Variants in CUX2 observed in about 807,000 individuals in gnomAD.
The protein encoded by CUX2 is homeobox protein cut-like 2.
In CUX2, 40 loss-of-function variants were observed where a neutral mutation model predicts 144.8. That is an observed-to-expected ratio of 0.28 (90% CI 0.21 to 0.36). The LOEUF (loss-of-function observed/expected upper bound fraction) is 0.36, where lower values mean the gene tolerates loss of function less well. Ranked by LOEUF, CUX2 falls within the 10% of genes least tolerant of loss-of-function variation. The pLI, the probability that CUX2 is intolerant of heterozygous loss-of-function variation, is 1.00. For missense variants in CUX2, 1,615 were observed against 1,994.0 expected (o/e 0.81, Z 3.62); for synonymous variants, 827 against 875.6 (o/e 0.94, Z 0.98).
intron 1 of CUX2, among the ~76,000 whole-genome samples, chr12:111,114,718 T>C (rs1874183488): frequency 6.6e-6 from 1 of 152,222 alleles, no homozygotes; most frequent in Non-Finnish European, 1.5e-5. Context: ...CCTTCTCTCA[T>C]ATCTGCTGTA....
intron 1 of CUX2, among the ~76,000 whole-genome samples, chr12:111,071,578 A>C (rs1871254125): frequency 6.6e-6 from 1 of 152,154 alleles, no homozygotes; most frequent in Admixed American, 6.5e-5. Context: ...TCATTCTGTT[A>C]ATACTCCCTT....
chr12:111,079,042 C>T (rs1040600500), intron 1 of CUX2, among the ~76,000 whole-genome samples: 1 of 152,226 alleles, frequency 6.6e-6, no homozygotes, highest in South Asian at 2.1e-4. Flanking sequence ...TGTCTATGGA[C>T]TGGGAAGAGC....
intron 1 of CUX2, among the ~76,000 whole-genome samples, chr12:111,054,719 C>T (rs1372874937): frequency 6.6e-6 from 1 of 152,054 alleles, no homozygotes; most frequent in African/African-American, 2.4e-5. Flanking sequence ...CTCTGCCTCC[C>T]GGGTTCAAGA....
chr12:111,117,570 A>G (rs1239846013), intron 1 of CUX2, among the ~76,000 whole-genome samples: 2 of 152,244 alleles, frequency 1.3e-5, no homozygotes, highest in Non-Finnish European at 1.5e-5. Flanking sequence ...ACAAAACAGC[A>G]TGAATGATGA....
chr12:111,190,820 G>A lies in CUX2; in HGVS notation c.64-23380G>A, dbSNP rs572547833. The stretch of plus-strand genomic sequence containing the variant: ...CTGCTACCCCAAAGCTGAATGCCCC[G>A]GCTTTTAATCTGTGTGCGTTGACTC... On this transcript the variant is annotated intron_variant, in intron 1 of 21. Transcript: ENST00000261726. The surrounding 1 kb of genome is among the most constrained non-coding windows in gnomAD (Gnocchi z 4.0). 2.6e-5 allele frequency among the ~76,000 whole-genome samples: 4 copies of A among 152,248 alleles called. No homozygotes were observed. Among genetic ancestry groups the A allele is most frequent in the Non-Finnish European group, 2.9e-5 (2 of 68,014 alleles).
At chr12:111,062,842 C>T (rs1392501488) in intron 1 of CUX2, among the ~76,000 whole-genome samples, 1 of 152,114 alleles carries the variant, frequency 6.6e-6, no homozygotes, top group African/African-American at 2.4e-5. Context: ...GCGAGATGTG[C>T]GAAGGCCCTG....
chr12:111,280,806 T>C (rs1406238325), intron 4 of CUX2, among the ~76,000 whole-genome samples: 1 of 152,186 alleles, frequency 6.6e-6, no homozygotes, highest in Non-Finnish European at 1.5e-5. Context: ...ATCATTGCAT[T>C]AGAATCCAAC....
intron 1 of CUX2, among the ~76,000 whole-genome samples, chr12:111,129,714 A>C (rs1011904225): frequency 1.3e-5 from 2 of 152,278 alleles, no homozygotes; most frequent in African/African-American, 4.8e-5. Flanking sequence ...GGAATGCAGG[A>C]TTACTTTTGG....
chr12:111,119,709 C>A (rs532518627), intron 1 of CUX2, among the ~76,000 whole-genome samples: 61 of 152,036 alleles, frequency 4.0e-4, no homozygotes, highest in Middle Eastern at 3.4e-3. Context: ...CATGTAACAA[C>A]AAAAAAATGG....
chr12:111,155,075 C>T (rs1476319761), intron 1 of CUX2, among the ~76,000 whole-genome samples: 4 of 152,058 alleles, frequency 2.6e-5, no homozygotes, highest in African/African-American at 9.7e-5. Context: ...GGTTAACACG[C>T]GATAATACAG....
intron 3 of CUX2, among the ~76,000 whole-genome samples, chr12:111,245,395 T>C (rs1014348137): frequency 6.6e-6 from 1 of 152,064 alleles, no homozygotes; most frequent in Non-Finnish European, 1.5e-5. Flanking sequence ...AATTTTTTTT[T>C]ACTTTTTTCT....
chr12:111,239,113 T>C (rs1003285693), intron 3 of CUX2, among the ~76,000 whole-genome samples: 2 of 152,180 alleles, frequency 1.3e-5, no homozygotes, highest in Non-Finnish European at 2.9e-5. Context: ...CACTCAAACG[T>C]TGGCCAAGAT....
At chr12:111,071,342 A>G (rs929627639) in intron 1 of CUX2, among the ~76,000 whole-genome samples, 1 of 151,988 alleles carries the variant, frequency 6.6e-6, no homozygotes, top group Admixed American at 6.5e-5. Flanking sequence ...GTATCTCACT[A>G]TTGTTTTAAT....
intron 1 of CUX2, among the ~76,000 whole-genome samples, chr12:111,111,318 A>G (rs58611094): frequency 6.6e-6 from 1 of 151,284 alleles, no homozygotes; most frequent in South Asian, 2.1e-4. Flanking sequence ...AAAAAAAAAG[A>G]GAGACAATGG....
chr12:111,317,731 C>G (rs552859473), intron 16 of CUX2, among the ~76,000 whole-genome samples: 1 of 152,290 alleles, frequency 6.6e-6, no homozygotes, highest in East Asian at 1.9e-4. Context: ...CGCGGTGGCT[C>G]ACACCTGTAA....
chr12:111,069,563 T>C (rs570352253), intron 1 of CUX2, among the ~76,000 whole-genome samples: 2,030 of 149,032 alleles, frequency 0.014, 49 homozygotes, highest in African/African-American at 0.049. Context: ...CGCGCGCGTG[T>C]GTGTGTGTTA....
rs188412854 is a variant in CUX2 at position 111,077,349 on chromosome 12, C to T, written c.63+43109C>T. ...TATTCACAGACATGACTCCCAGACC[C>T]CGAGTGTCTTGAACCCTAGCCTCTG... On this transcript the variant is annotated intron_variant, in intron 1 of 21. Coordinates refer to ENST00000261726, the MANE Select transcript of CUX2 (RefSeq NM_015267.4). This position sits in a 1 kb window ranked among gnomAD's most constrained non-coding sequence, Gnocchi z 4.1. 2.6e-5 allele frequency among the ~76,000 whole-genome samples: 4 copies of T among 152,252 alleles called. No individual in the cohort carries two copies. Among genetic ancestry groups the T allele is most frequent in the African/African-American group, 9.6e-5 (4 of 41,552 alleles).
intron 1 of CUX2, among the ~76,000 whole-genome samples, chr12:111,212,962 T>C (rs1881312163): frequency 6.6e-6 from 1 of 152,358 alleles, no homozygotes; most frequent in African/African-American, 2.4e-5. Flanking sequence ...AAGTGTTTCA[T>C]TGTGTGTGCA....
Position 111,263,834 on chromosome 12 carries a change from CA to C in CUX2, c.297del (p.Pro100GlnfsTer13). ...AGTGTTTACAAGCAATTAATTGAAG[CA>C]CCAGGTAAGAAATGCTTGGGCTCCG... The part of the protein sequence containing the change: ...FLSVYKQLIE[A>X]PDPVPVFEAA... On this transcript the variant is annotated frameshift_variant, in exon 4 of 22. Coordinates refer to ENST00000261726, the MANE Select transcript of CUX2 (RefSeq NM_015267.4). LOFTEE classifies it high-confidence loss of function. The surrounding 1 kb of genome is among the most constrained non-coding windows in gnomAD (Gnocchi z 4.0). 1 of 1,613,484 alleles carries C rather than the reference CA, an allele frequency of 6.2e-7. No homozygotes were observed. The highest frequency in any genetic ancestry group is 8.5e-7 in the Non-Finnish European group (1 of 1,179,438).
Sources: allele counts gnomAD v4.1 joint callset (sites outside exome capture counted in the v4.1 genomes callset), GRCh38; gene constraint gnomAD v4.1.1; non-coding constraint Gnocchi (gnomAD v3.1); transcripts MANE v1.5; gene names NCBI Gene and HGNC (gene_info 2026-07-23, HGNC 2026-07-21).